The following BCOR variants were observed in gnomAD, a reference collection of about 807,000 sequenced individuals.
BCOR encodes the protein BCL-6 corepressor.
BCOR carries 10 observed loss-of-function variants against 86.7 expected under a neutral mutation model. That is an observed-to-expected ratio of 0.12 (90% confidence interval 0.07 to 0.20). The LOEUF (loss-of-function observed/expected upper bound fraction) is 0.20, where lower values mean the gene tolerates loss of function less well. BCOR is among the 10% of genes least tolerant of loss of function. The pLI, the probability that BCOR is intolerant of heterozygous loss-of-function variation, is 1.00. For missense variants in BCOR, 1,259 were observed against 1,452.1 expected, an observed-to-expected ratio of 0.87 and a Z score of 2.16; for synonymous variants, 611 against 609.0, an observed-to-expected ratio of 1.00 and a Z score of -0.05.
chrX:40,120,741 A>T (rs887049431), intron 1 of BCOR, among the ~76,000 whole-genome samples: 1 of 112,292 alleles, frequency 8.9e-6, no homozygotes, highest in African/African-American at 3.2e-5. Flanking sequence ...CTTGTATTCC[A>T]GAAGGAGAGA....
At chrX:40,060,494 G>A in intron 10 of BCOR, among the ~76,000 whole-genome samples, 1 of 112,331 alleles carries the variant, frequency 8.9e-6, no homozygotes, top group Middle Eastern at 4.6e-3. Flanking sequence ...GCTCAGAAAG[G>A]TGAGACTGGC....
chrX:40,072,276 TC>T, intron 4 of BCOR, 72 bp downstream of exon 4: 1 of 1,071,535 alleles, frequency 9.3e-7, no homozygotes, highest in Non-Finnish European at 1.3e-6. Flanking sequence ...CCTACCATAC[TC>T]CCCCAATCCT....
At chrX:40,075,716 G>T (rs949254723) in intron 3 of BCOR, among the ~76,000 whole-genome samples, 1 of 111,190 alleles carries the variant, frequency 9.0e-6, no homozygotes, top group Non-Finnish European at 1.9e-5. Context: ...CCAAGACTGC[G>T]CCACTGCACT....
chrX:40,154,852 C>T (rs996560929), intron 1 of BCOR, among the ~76,000 whole-genome samples: 1 of 112,620 alleles, frequency 8.9e-6, no homozygotes, highest in African/African-American at 3.2e-5. Context: ...GCGGAGACGG[C>T]CCTGTTATTC....
In BCOR at chrX:40,070,848, T is replaced by C; in HGVS notation, c.3238+125A>G. The C allele has an allele frequency of 9.2e-6, 6 of 655,458 alleles. 1 individual carries two copies. In the Admixed American group the frequency reaches 1.2e-4, roughly 13 times the overall value. 54.0% of individuals were successfully genotyped at this position (655,458 alleles called of 1,213,427 possible). A position where few individuals can be genotyped will look rare whatever the true frequency, so the allele number is the denominator to read the frequency against. On this transcript the variant is annotated intron_variant, in intron 6 of 14. Transcript: ENST00000378444. ...CTATCTTTCACAGACGCCTCGTTCC[T>C]GGTTGCCACCATTCATAAGGACAAT...
intron 1 of BCOR, among the ~76,000 whole-genome samples, chrX:40,151,240 A>AACCT (rs1938159802): frequency 8.9e-6 from 1 of 112,539 alleles, no homozygotes; most frequent in Non-Finnish European, 1.9e-5. Context: ...CTGCAGAAGG[A>AACCT]ACCTACACAC....
At position 40,108,367 on chromosome X, in the gene BCOR, T is replaced by A. The variant is rs777935776; in HGVS notation, c.-40-30398A>T. ...GCTGCTCGCCAGCAACTCCTCAGCT[T>A]GGACAAATAGCTGGGAGGGCGCCGG... On this transcript the variant is annotated intron_variant, in intron 1 of 14. Transcript: ENST00000342274. Among the ~76,000 whole-genome samples, 13 of 113,160 alleles carry A rather than the reference T, an allele frequency of 1.1e-4. No homozygotes were observed. In the East Asian group the frequency reaches 3.6e-3, roughly 31 times the overall value.
Position 40,073,974 on chromosome X carries a change from T to C in BCOR, c.1372A>G (p.Met458Val). 1.6e-6 allele frequency: 2 copies of C among 1,212,433 alleles called. No individual in the cohort carries two copies. Among genetic ancestry groups the C allele is most frequent in the Non-Finnish European group, 2.2e-6 (2 of 895,653 alleles). ...AGGACCGTGGGAGCCATCTTTTTCATGTGGTCAGCTTTGGAAGCATCTACA... is the reference window on the plus strand; with the variant it reads ...AGGACCGTGGGAGCCATCTTTTTCACGTGGTCAGCTTTGGAAGCATCTACA... ...VDVDASKADH[M>V]KKMAPTVLVH... Residue 458 changes from methionine (M) to valine (V), a missense_variant, in exon 4 of 15, where the codon ATG becomes GTG. Transcript: ENST00000378444.
intron 1 of BCOR, among the ~76,000 whole-genome samples, chrX:40,085,786 G>A (rs924104170): frequency 9.0e-6 from 1 of 111,665 alleles, no homozygotes; most frequent in Non-Finnish European, 1.9e-5. Context: ...GCCCCAGGAC[G>A]GTCCAGAGGC....
In BCOR at chrX:40,072,591, C is replaced by G. The variant is rs745833153; in HGVS notation, c.2755G>C (p.Glu919Gln). The change falls in exon 4 of 15, where the codon GAG becomes CAG. Residue 919 changes from glutamate (E) to glutamine (Q), a missense_variant. Physicochemically the swap from Glu to Gln is conservative, Grantham distance 29 (BLOSUM62 2). Transcript: ENST00000378444. ...CCCACACAAAATGGTTTGGGATCCT[C>G]TTGGGTTTTACCAAAAGTTACAGCA... ...GPAVTFGKTQ[E>Q]DPKPFCVGSA... 1.7e-6 allele frequency: 2 copies of G among 1,212,024 alleles called. No homozygotes were observed. Among genetic ancestry groups the G allele is most frequent in the Non-Finnish European group, 2.2e-6 (2 of 895,536 alleles).
At chrX:40,059,218 C>T (rs1934750785) in intron 10 of BCOR, among the ~76,000 whole-genome samples, 1 of 112,010 alleles carries the variant, frequency 8.9e-6, no homozygotes, top group Non-Finnish European at 1.9e-5. Flanking sequence ...TTGCCATTGG[C>T]CACCGTAACA....
intron 1 of BCOR, among the ~76,000 whole-genome samples, chrX:40,166,427 T>G (rs1034320442): frequency 3.6e-5 from 4 of 112,320 alleles, no homozygotes; most frequent in Non-Finnish European, 7.5e-5. Flanking sequence ...CTTCTTGTCC[T>G]TCCTTAAGAC....
intron 1 of BCOR, among the ~76,000 whole-genome samples, chrX:40,147,745 G>C (rs952142395): frequency 2.6e-5 from 3 of 113,322 alleles, no homozygotes; most frequent in African/African-American, 6.4e-5. Context: ...AGCCGCCCGA[G>C]TCCCGAAGCG....
upstream of BCOR, among the ~76,000 whole-genome samples, chrX:40,098,505 C>G (rs997451949): frequency 4.5e-5 from 5 of 111,538 alleles, no homozygotes; most frequent in South Asian, 1.1e-3. Context: ...AGCCGCGCGC[C>G]GAGACTCCCC....
chrX:40,125,169 C>T (rs975369996), intron 1 of BCOR, among the ~76,000 whole-genome samples: 5 of 111,391 alleles, frequency 4.5e-5, no homozygotes, highest in African/African-American at 6.5e-5. Flanking sequence ...GTCCCTGCAG[C>T]CTGCTATGTG....
At position 40,062,063 on chromosome X, in the gene BCOR, C is replaced by A. The variant is rs1934902224; in HGVS notation, c.4428+76G>T. The A allele has an allele frequency of 3.5e-6, 4 of 1,130,272 alleles. No homozygotes were observed. The South Asian group carries it at 7.7e-5, about 22-fold the overall frequency. 93.1% of individuals were successfully genotyped at this position (1,130,272 alleles called of 1,213,427 possible). The stretch of plus-strand genomic sequence containing the variant: ...GGGGGCTGAGCTCTGCTCTCCATGT[C>A]CCTCCCCTCGCCCACCACAGTCCGC... On this transcript the variant is annotated intron_variant, in intron 10 of 14. Transcript: ENST00000378444.
At chrX:40,088,792 A>G (rs1007326700) in intron 1 of BCOR, among the ~76,000 whole-genome samples, 1 of 112,083 alleles carries the variant, frequency 8.9e-6, no homozygotes, top group Non-Finnish European at 1.9e-5. Context: ...TGGCCTCTGC[A>G]CCAGGCCACC....
intron 1 of BCOR, among the ~76,000 whole-genome samples, chrX:40,153,120 C>G (rs1328616404): frequency 8.8e-6 from 1 of 113,250 alleles, no homozygotes; most frequent in East Asian, 2.8e-4. Flanking sequence ...TCGGGGACGC[C>G]GCCGCAGGCT....
At chrX:40,149,943 G>A (rs1006314383) in intron 1 of BCOR, among the ~76,000 whole-genome samples, 2 of 112,449 alleles carry the variant, frequency 1.8e-5, no homozygotes, top group African/African-American at 6.5e-5. Flanking sequence ...CGTGTGACCC[G>A]CCTAAAGGCC....
Sources: allele counts gnomAD v4.1 joint callset (sites outside exome capture counted in the v4.1 genomes callset), GRCh38; gene constraint gnomAD v4.1.1; transcripts MANE v1.5; gene names NCBI Gene and HGNC (gene_info 2026-07-23, HGNC 2026-07-21).